Variants in GULP1 observed in about 807,000 individuals in gnomAD.
GULP1 encodes PTB domain-containing engulfment adapter protein 1.
Under a neutral mutation model 40.9 loss-of-function variants are expected in GULP1, and 19 were observed. The ratio of observed to expected loss-of-function variants is 0.46; its 90% CI spans 0.32 to 0.68. GULP1 has a LOEUF of 0.68. GULP1 is among the 30% of genes least tolerant of loss of function. The pLI is 0.03. For synonymous variants in GULP1, 119 were observed against 117.6 expected (o/e 1.01, Z -0.08); for missense variants, 312 against 362.2 (o/e 0.86, Z 1.12).
At chr2:188,362,237 G>T (rs1574726255) in intron 1 of GULP1, among the ~76,000 whole-genome samples, 1 of 151,934 alleles carries the variant, frequency 6.6e-6, no homozygotes, top group Non-Finnish European at 1.5e-5. Context: ...GATAAAATAA[G>T]GAATTATTTG....
chr2:188,589,964 C>T, intron 11 of GULP1: 2 of 286,516 alleles, frequency 7.0e-6, no homozygotes, highest in South Asian at 1.5e-4. Flanking sequence ...TTCATTGTTT[C>T]CTTTCTTTTC....
chr2:188,588,064 C>T (rs559435863), intron 11 of GULP1, 115 bp downstream of exon 11: 5 of 719,588 alleles, frequency 6.9e-6, no homozygotes, highest in African/African-American at 3.5e-5. Flanking sequence ...TATAAAAACT[C>T]GCTTAAAATA....
intron 2 of GULP1, among the ~76,000 whole-genome samples, chr2:188,476,636 C>G (rs2061033559): frequency 6.6e-6 from 1 of 152,004 alleles, no homozygotes; most frequent in African/African-American, 2.4e-5. Context: ...TTGTGTTACC[C>G]TGTAATATAC....
At chr2:188,563,005 T>C (rs1435168076) in intron 7 of GULP1, among the ~76,000 whole-genome samples, 1 of 152,134 alleles carries the variant, frequency 6.6e-6, no homozygotes. Context: ...ATACAATGTA[T>C]CAAAATTTGT....
At chr2:188,374,073 C>T (rs1438619849) in intron 1 of GULP1, among the ~76,000 whole-genome samples, 1 of 152,032 alleles carries the variant, frequency 6.6e-6, no homozygotes, top group African/African-American at 2.4e-5. Flanking sequence ...AGTATATAAA[C>T]ATACTTGAAG....
At chr2:188,339,888 A>G (rs2042738863) in intron 1 of GULP1, among the ~76,000 whole-genome samples, 1 of 152,198 alleles carries the variant, frequency 6.6e-6, no homozygotes, top group Non-Finnish European at 1.5e-5. Context: ...TGCCTCATTT[A>G]TAGGATTAGG....
In GULP1 at chr2:188,569,309, GA is replaced by G; in HGVS notation, c.474del (p.Asp159MetfsTer18). On this transcript the variant is annotated frameshift_variant, in exon 8 of 12. Transcript: ENST00000409830. LOFTEE classifies it high-confidence loss of function. ...TACAGGAAATTTCTAGAATCAGGAG[GA>G]AAAGATGTTGAAACAAGAAAACAGA... ...LAYRKFLESG[G>X]KDVETRKQIA... is the part of the protein sequence containing the mutation. 1 of 1,601,774 alleles carries G rather than the reference GA, an allele frequency of 6.2e-7. No homozygotes were observed. The highest frequency in any genetic ancestry group is 8.6e-7 in the Non-Finnish European group (1 of 1,169,006).
At chr2:188,329,305 T>G (rs1383552181) in intron 1 of GULP1, among the ~76,000 whole-genome samples, 1 of 152,152 alleles carries the variant, frequency 6.6e-6, no homozygotes, top group Non-Finnish European at 1.5e-5. Flanking sequence ...TCAACTGCAC[T>G]GTTTGTCTGA....
At chr2:188,361,345 C>G (rs2046054826) in intron 1 of GULP1, among the ~76,000 whole-genome samples, 1 of 151,730 alleles carries the variant, frequency 6.6e-6, no homozygotes, top group Admixed American at 6.6e-5. Context: ...ATGACTCTGG[C>G]TTGTTTGAGG....
chr2:188,370,179 G>A (rs2047412885), intron 1 of GULP1, among the ~76,000 whole-genome samples: 1 of 152,062 alleles, frequency 6.6e-6, no homozygotes, highest in African/African-American at 2.4e-5. Flanking sequence ...TATGTTGATT[G>A]TCTTAAGGTA....
intron 2 of GULP1, among the ~76,000 whole-genome samples, chr2:188,450,212 C>T (rs931322058): frequency 6.6e-6 from 1 of 152,076 alleles, no homozygotes; most frequent in Non-Finnish European, 1.5e-5. Flanking sequence ...CTTTACAGAA[C>T]ATGATGAAAA....
At position 188,294,985 on chromosome 2, in the gene GULP1, T is replaced by C. The variant is rs533885625; in HGVS notation, c.-172+2819T>C. 7.2e-4 allele frequency among the ~76,000 whole-genome samples: 110 copies of C among 152,338 alleles called. 1 individual carries two copies. The South Asian group carries it at 8.7e-3, about 12-fold the overall frequency. ...CATTTTAATCATAGCTTTAATTTAA[T>C]CATACATTTTAATTTTTGAGGATAT... On this transcript the variant is annotated intron_variant, in intron 1 of 11. Transcript: ENST00000409830.
At chr2:188,456,434 A>G (rs1224104902) in intron 2 of GULP1, among the ~76,000 whole-genome samples, 1 of 152,178 alleles carries the variant, frequency 6.6e-6, no homozygotes, top group Non-Finnish European at 1.5e-5. Context: ...GGACGAATGT[A>G]GAGCTTGGAC....
At chr2:188,566,995 A>G (rs1697872017) in intron 7 of GULP1, among the ~76,000 whole-genome samples, 1 of 152,134 alleles carries the variant, frequency 6.6e-6, no homozygotes, top group African/African-American at 2.4e-5. Flanking sequence ...TTCTCAAAAG[A>G]AGACATTTAT....
At chr2:188,570,990 C>G (rs949779144) in intron 9 of GULP1, among the ~76,000 whole-genome samples, 12 of 151,956 alleles carry the variant, frequency 7.9e-5, no homozygotes, top group Admixed American at 2.6e-4. Flanking sequence ...AACCTTGTCT[C>G]TACAAAAAAT....
chr2:188,340,023 C>G (rs576813946), intron 1 of GULP1, among the ~76,000 whole-genome samples: 1 of 152,010 alleles, frequency 6.6e-6, no homozygotes, highest in Non-Finnish European at 1.5e-5. Flanking sequence ...CTAAAAAGAA[C>G]GAGAGAGATT....
In GULP1 at chr2:188,329,341, G is replaced by T. The variant is rs1036503882; in HGVS notation, c.-172+37175G>T. 2.6e-5 allele frequency among the ~76,000 whole-genome samples: 4 copies of T among 152,046 alleles called. No homozygotes were observed. The East Asian group carries it at 7.7e-4, about 29-fold the overall frequency. ...ATTTAATGCAGCACCCAATTCCTGG[G>T]ATCCTGACTGATAAGGATGCTAGTC... On this transcript the variant is annotated intron_variant, in intron 1 of 11. Coordinates refer to ENST00000409830, the MANE Select transcript of GULP1 (RefSeq NM_016315.4).
At chr2:188,468,899 G>A (rs554820925) in intron 2 of GULP1, among the ~76,000 whole-genome samples, 84 of 152,314 alleles carry the variant, frequency 5.5e-4, no homozygotes, top group Non-Finnish European at 7.9e-4. Flanking sequence ...AGGGTAAGCA[G>A]TGAAGTGTTT....
intron 6 of GULP1, among the ~76,000 whole-genome samples, chr2:188,533,108 C>T (rs190371802): frequency 6.6e-6 from 1 of 152,190 alleles, no homozygotes; most frequent in African/African-American, 2.4e-5. Flanking sequence ...ACCTGCTCTC[C>T]TGATTGTTGG....
Sources: gnomAD v4.1 joint callset for allele counts (sites outside exome capture counted in the v4.1 genomes callset) on GRCh38, gnomAD v4.1.1 for gene constraint, MANE v1.5 for transcripts, NCBI Gene and HGNC (gene_info 2026-07-23, HGNC 2026-07-21) for gene names.